GRIN2B: variants seen among roughly 807,000 people sequenced by gnomAD.
The protein encoded by GRIN2B is glutamate receptor ionotropic, NMDA 2B.
Under a neutral mutation model 114.5 loss-of-function variants are expected in GRIN2B, and 5 were observed. That is an observed-to-expected ratio of 0.04 (90% CI 0.02 to 0.09). The LOEUF is 0.09. Ranked by LOEUF, GRIN2B falls within the 10% of genes least tolerant of loss-of-function variation. The pLI, the probability that GRIN2B is intolerant of heterozygous loss-of-function variation, is 1.00. For synonymous variants in GRIN2B, 787 were observed against 745.1 expected, an observed-to-expected ratio of 1.06 and a Z score of -0.92; for missense variants, 1,108 against 1,943.5, an observed-to-expected ratio of 0.57 and a Z score of 8.08.
intron 3 of GRIN2B, among the ~76,000 whole-genome samples, chr12:13,861,130 A>C (rs1002771592): frequency 9.9e-5 from 15 of 152,226 alleles, no homozygotes; most frequent in Non-Finnish European, 2.1e-4. Context: ...TAGTATAACT[A>C]ATGTGTTTGT....
At chr12:13,605,551 T>TCTCTCTCTCTCTCTCTCTCTCTCTCTCA in intron 10 of GRIN2B, among the ~76,000 whole-genome samples, 2 of 30,444 alleles carry the variant, frequency 6.6e-5, no homozygotes, top group Non-Finnish European at 1.5e-4. Context: ...TCTCTCTCTC[T>TCTCTCTCTCTCTCTCTCTCTCTCTCTCA]GACACACACA....
rs66916614 is a variant in GRIN2B, at chr12:13,605,552, G to GACACACACACAC, written c.2010+3039_2010+3050dup. The stretch of plus-strand genomic sequence containing the variant: ...TCTCTCTCTCTCTCTCTCTCTCTCT[G>GACACACACACAC]ACACACACACACACACACACACACA... On this transcript the variant is annotated intron_variant, in intron 10 of 13. Transcript: ENST00000609686. 9.7e-3 allele frequency among the ~76,000 whole-genome samples: 1,256 copies of GACACACACACAC among 129,752 alleles called. 16 individuals are homozygous for GACACACACACAC. The highest frequency in any genetic ancestry group is 0.021 in the East Asian group (91 of 4,262). 85.1% of individuals were successfully genotyped at this position (129,752 alleles called of 152,430 possible).
At chr12:13,600,521 A>G (rs1252463017) in intron 10 of GRIN2B, among the ~76,000 whole-genome samples, 1 of 151,682 alleles carries the variant, frequency 6.6e-6, no homozygotes, top group East Asian at 1.9e-4. Flanking sequence ...GTGTGTGTAC[A>G]TTTCTGTGTA....
intron 3 of GRIN2B, among the ~76,000 whole-genome samples, chr12:13,815,613 G>T (rs533820560): frequency 1.3e-5 from 2 of 152,262 alleles, no homozygotes; most frequent in South Asian, 4.1e-4. Flanking sequence ...TTTGGGGAGT[G>T]TTTCTATGTA....
chr12:13,605,550 CTG>C lies in GRIN2B; in HGVS notation c.2010+3051_2010+3052del, dbSNP rs1491135794. On this transcript the variant is annotated intron_variant, in intron 10 of 13. Coordinates refer to ENST00000609686, the MANE Select transcript of GRIN2B (RefSeq NM_000834.5). ...TCTCTCTCTCTCTCTCTCTCTCTCT[CTG>C]ACACACACACACACACACACACACA... Among the ~76,000 whole-genome samples the C allele has an allele frequency of 1.1e-3, 99 of 87,568 alleles. 1 individual carries two copies. Among genetic ancestry groups the C allele is most frequent in the African/African-American group, 2.5e-3 (48 of 19,080 alleles). The allele number at this position is 87,568 out of a possible 152,430, so 57.4% of individuals were successfully genotyped here. A position where few individuals can be genotyped will look rare whatever the true frequency, so the allele number is the denominator to read the frequency against.
At position 13,641,784 on chromosome 12, in the gene GRIN2B, C is replaced by T. The variant is rs191268901; in HGVS notation, c.1126-25127G>A. Among the ~76,000 whole-genome samples, 17 of 152,248 alleles carry T rather than the reference C, an allele frequency of 1.1e-4. No homozygotes were observed. In the East Asian group the frequency reaches 1.7e-3, roughly 16 times the overall value. ...TGAAGTTCAGTTTAGAAAATATAGG[C>T]CTCCTTCTTCAGCATCTGGAATTAC... On this transcript the variant is annotated intron_variant, in intron 5 of 13. Transcript: ENST00000609686.
At chr12:13,648,805 G>A (rs1182694656) in intron 5 of GRIN2B, among the ~76,000 whole-genome samples, 1 of 151,972 alleles carries the variant, frequency 6.6e-6, no homozygotes, top group Non-Finnish European at 1.5e-5. Flanking sequence ...TAAATTACAT[G>A]CTAAATTAAA....
intron 3 of GRIN2B, among the ~76,000 whole-genome samples, chr12:13,840,895 G>C (rs921669904): frequency 2.0e-5 from 3 of 152,080 alleles, no homozygotes; most frequent in Non-Finnish European, 4.4e-5. Context: ...AACTCCTTCA[G>C]CTCCATTCTC....
chr12:13,823,512 T>C (rs1864976382), intron 3 of GRIN2B, among the ~76,000 whole-genome samples: 1 of 152,160 alleles, frequency 6.6e-6, no homozygotes, highest in Admixed American at 6.5e-5. Flanking sequence ...ATTAACTTTG[T>C]ATCTTGTAAT....
At chr12:13,890,177 G>A (rs1338238061) in intron 2 of GRIN2B, among the ~76,000 whole-genome samples, 2 of 152,172 alleles carry the variant, frequency 1.3e-5, no homozygotes, top group African/African-American at 4.8e-5. Flanking sequence ...TTTCAACACA[G>A]ATGAAGAATG....
intron 3 of GRIN2B, among the ~76,000 whole-genome samples, chr12:13,782,525 AGTT>A (rs540666249): frequency 2.1e-3 from 316 of 152,310 alleles, no homozygotes; most frequent in African/African-American, 7.2e-3. Flanking sequence ...CTTGTCTTTG[AGTT>A]GAAACTACAA....
In GRIN2B at chr12:13,543,369, A is replaced by AAT. The variant is rs1948305915; in HGVS notation, c.*19412_*19413dup. ...GCTTGAATCTCAATCCTCTGCCTCTAATATGCTTCATTGTTCCTCCTTCCC... is the reference window on the plus strand; with the variant it reads ...GCTTGAATCTCAATCCTCTGCCTCTAATATATGCTTCATTGTTCCTCCTTCCC... On this transcript the variant is annotated 3_prime_UTR_variant, in exon 14 of 14. Transcript: ENST00000609686. The AAT allele has an allele frequency of 6.6e-6, 1 of 152,218 alleles. No homozygotes were observed. Among genetic ancestry groups the AAT allele is most frequent in the Non-Finnish European group, 1.5e-5 (1 of 68,058 alleles). 9.4% of individuals were successfully genotyped at this position (152,218 alleles called of 1,614,324 possible).
chr12:13,904,977 T>C (rs1866513956), intron 2 of GRIN2B, among the ~76,000 whole-genome samples: 1 of 152,178 alleles, frequency 6.6e-6, no homozygotes, highest in Admixed American at 6.6e-5. Context: ...TTAGTGCTTA[T>C]TGGGCCTTTT....
rs1168374610 is a variant in GRIN2B at position 13,567,068 on chromosome 12, C to A, written c.2555G>T (p.Gly852Val). Residue 852 changes from glycine (G) to valine (V), a missense_variant, in exon 13 of 14, where the codon GGT becomes GTT. By Grantham distance (109) the Gly-to-Val change is moderately radical. This residue lies in a region of GRIN2B where 30 missense variants were observed against 35.9 expected (regional missense o/e 0.84). Coordinates refer to ENST00000609686, the MANE Select transcript of GRIN2B (RefSeq NM_000834.5). ...FYWQFRHCFM[G>V]VCSGKPGMVF... ...CATGCCAGGCTTGCCAGAACAGACACCCATAAAGCAATGTCGGAACTGCCA... is the reference window on the plus strand; with the variant it reads ...CATGCCAGGCTTGCCAGAACAGACAACCATAAAGCAATGTCGGAACTGCCA... 2 of 1,614,108 alleles carry A rather than the reference C, an allele frequency of 1.2e-6. No homozygotes were observed. Among genetic ancestry groups the A allele is most frequent in the Non-Finnish European group, 8.5e-7 (1 of 1,179,948 alleles).
intron 5 of GRIN2B, among the ~76,000 whole-genome samples, chr12:13,618,532 T>G (rs1949474448): frequency 6.6e-6 from 1 of 152,162 alleles, no homozygotes; most frequent in Non-Finnish European, 1.5e-5. Flanking sequence ...TGCAGGAAAT[T>G]TCAAACCTCA....
chr12:13,951,334 T>C (rs1867474764), intron 2 of GRIN2B, among the ~76,000 whole-genome samples: 1 of 152,160 alleles, frequency 6.6e-6, no homozygotes, highest in Admixed American at 6.5e-5. Context: ...GAGTGATCCC[T>C]GAGCAGTCTC....
At chr12:13,737,385 G>A (rs1863204532) in intron 4 of GRIN2B, among the ~76,000 whole-genome samples, 1 of 151,872 alleles carries the variant, frequency 6.6e-6, no homozygotes, top group Non-Finnish European at 1.5e-5. Context: ...CTAATTTTTT[G>A]TATTTTTAGT....
chr12:13,625,467 T>G (rs1949556362), intron 5 of GRIN2B, among the ~76,000 whole-genome samples: 1 of 152,198 alleles, frequency 6.6e-6, no homozygotes, highest in South Asian at 2.1e-4. Context: ...CTGTGTGACC[T>G]TGCATGAATT....
chr12:13,753,535 C>T lies in GRIN2B; in HGVS notation c.792G>A (p.Gly264=), dbSNP rs1397667253. The change falls in exon 4 of 14, where the codon GGG becomes GGA. Residue 264 remains glycine, a synonymous_variant. Transcript: ENST00000609686. This position sits in a 1 kb window ranked among gnomAD's most constrained non-coding sequence, Gnocchi z 6.2. ...YTWIVPSLVA[G]DTDTVPAEFP... is the part of the protein sequence containing the mutation. ...ACTCCGCAGGCACTGTGTCTGTATC[C>T]CCTGCCACCAGACTGGGCACGATCC... The T allele has an allele frequency of 6.2e-7, 1 of 1,614,154 alleles. No individual in the cohort carries two copies. The highest frequency in any genetic ancestry group is 1.7e-5 in the Admixed American group (1 of 60,006).
Sources: gnomAD v4.1 joint callset for allele counts (sites outside exome capture counted in the v4.1 genomes callset) on GRCh38, gnomAD v4.1.1 for gene constraint, gnomAD v4.1.1 regional missense constraint, Gnocchi (gnomAD v3.1) non-coding constraint, MANE v1.5 for transcripts, NCBI Gene and HGNC (gene_info 2026-07-23, HGNC 2026-07-21) for gene names.